ERAP1: variants seen among roughly 807,000 people sequenced by gnomAD.
ERAP1 encodes the protein adipocyte-derived leucine aminopeptidase.
ERAP1 carries 86 observed loss-of-function variants against 103.7 expected under a neutral mutation model. That is an observed-to-expected ratio of 0.83 (90% CI 0.70 to 0.99). ERAP1 has a LOEUF of 0.99. ERAP1 is among the 50% of genes least tolerant of loss of function. The pLI is 0.00. For synonymous variants in ERAP1, 398 were observed against 402.4 expected, an observed-to-expected ratio of 0.99 and a Z score of 0.13; for missense variants, 1,009 against 1,128.4, an observed-to-expected ratio of 0.89 and a Z score of 1.52.
chr5:96,886,792 G>A, the ERAP1 span: 4 of 1,486,568 alleles, frequency 2.7e-6, no homozygotes, highest in Non-Finnish European at 3.6e-6. Context: ...GGGTCAAGGT[G>A]AGACTGAGTT....
chr5:96,852,973 T>C, the ERAP1 span, among the ~76,000 whole-genome samples: 2 of 152,150 alleles, frequency 1.3e-5, no homozygotes, highest in Non-Finnish European at 2.9e-5. Context: ...AAGTGACAAG[T>C]AGACTGTAGA....
intron 11 of ERAP1, among the ~76,000 whole-genome samples, chr5:96,787,806 ATATATATACACATATATATG>A: frequency 1.1e-5 from 1 of 91,596 alleles, no homozygotes; most frequent in African/African-American, 3.8e-5. Context: ...ATGTGTGTGT[ATATATATACACATATATATG>A]TATATATACA....
At chr5:96,812,069 C>G (rs898924228), upstream of ERAP1, among the ~76,000 whole-genome samples, 1 of 152,242 alleles carries the variant, frequency 6.6e-6, no homozygotes, top group Admixed American at 6.5e-5. Context: ...ACTAATGAGA[C>G]TGAATATATG....
At position 96,780,524 on chromosome 5, in the gene ERAP1, A is replaced by G. The variant is rs1224897670; in HGVS notation, c.2589-20T>C. ...TCAAACCTAGAGAGGGAAATATTCAAAAACGGGTTGTGAAATACTTATTCA... is the reference window on the plus strand; with the variant it reads ...TCAAACCTAGAGAGGGAAATATTCAGAAACGGGTTGTGAAATACTTATTCA... On this transcript the variant is annotated intron_variant, in intron 17 of 18. Transcript: ENST00000443439. The G allele has an allele frequency of 1.9e-6, 3 of 1,578,056 alleles. No homozygotes were observed. The highest frequency in any genetic ancestry group is 2.6e-6 in the Non-Finnish European group (3 of 1,147,476).
chr5:96,804,029 A>G, intron 1 of ERAP1, 86 bp from the exon 2 acceptor site: 1 of 1,458,182 alleles, frequency 6.9e-7, no homozygotes, highest in Non-Finnish European at 9.4e-7. Flanking sequence ...TCCACCCAGC[A>G]TTCACAGAAA....
the ERAP1 span, among the ~76,000 whole-genome samples, chr5:96,912,254 G>A: frequency 6.9e-6 from 1 of 144,846 alleles, no homozygotes; most frequent in African/African-American, 2.5e-5. Flanking sequence ...AAAGCATCAA[G>A]TAATCATCTT....
the ERAP1 span, among the ~76,000 whole-genome samples, chr5:96,824,435 C>A: frequency 1.3e-5 from 2 of 152,278 alleles, no homozygotes; most frequent in South Asian, 4.1e-4. Flanking sequence ...CTGCTTAGGA[C>A]CCCTCAATGA....
the ERAP1 span, among the ~76,000 whole-genome samples, chr5:96,874,255 A>G: frequency 6.6e-6 from 1 of 152,210 alleles, no homozygotes; most frequent in Non-Finnish European, 1.5e-5. Flanking sequence ...ATAAGCTACA[A>G]GTACTTGAAT....
the ERAP1 span, chr5:96,889,163 T>C: frequency 6.2e-6 from 10 of 1,612,328 alleles, no homozygotes; most frequent in African/African-American, 1.3e-5. Flanking sequence ...TTCAAAAACC[T>C]CTTCTGATCC....
chr5:96,762,287 C>T, exon 20 of ERAP1: 2 of 1,606,124 alleles, frequency 1.2e-6, no homozygotes, highest in Non-Finnish European at 1.7e-6. Flanking sequence ...TTTGAAGATG[C>T]TAAACTTGCT....
the ERAP1 span, among the ~76,000 whole-genome samples, chr5:96,891,635 A>T: frequency 6.6e-6 from 1 of 151,632 alleles, no homozygotes; most frequent in African/African-American, 2.4e-5. Flanking sequence ...TGTTTAAATC[A>T]TTAGATTGCA....
the ERAP1 span, chr5:96,889,461 T>C: frequency 2.4e-6 from 2 of 845,390 alleles, no homozygotes; most frequent in Non-Finnish European, 4.0e-6. Context: ...TTCTTGAGTG[T>C]AGAAAATAAA....
At chr5:96,844,436 A>G in the ERAP1 span, among the ~76,000 whole-genome samples, 3 of 152,156 alleles carry the variant, frequency 2.0e-5, no homozygotes, top group African/African-American at 2.4e-5. Context: ...ATAAGTTATT[A>G]TTGTTATTTA....
chr5:96,793,713 A>G, intron 6 of ERAP1, 90 bp downstream of exon 6: 1 of 1,303,222 alleles, frequency 7.7e-7, no homozygotes, highest in Non-Finnish European at 1.1e-6. Context: ...AAAAAAGACA[A>G]AGTAAAAATT....
the ERAP1 span, among the ~76,000 whole-genome samples, chr5:96,865,698 A>T: frequency 2.6e-5 from 4 of 152,186 alleles, no homozygotes; most frequent in Non-Finnish European, 5.9e-5. Flanking sequence ...CCATACCAGT[A>T]CTGTATTCTA....
intron 3 of ERAP1, among the ~76,000 whole-genome samples, chr5:96,800,354 C>T (rs1478536848): frequency 6.6e-6 from 1 of 152,168 alleles, no homozygotes; most frequent in Non-Finnish European, 1.5e-5. Flanking sequence ...CCTTCAGCAC[C>T]ATAATATTTG....
chr5:96,871,393 T>G, the ERAP1 span, among the ~76,000 whole-genome samples: 1 of 152,242 alleles, frequency 6.6e-6, no homozygotes, highest in African/African-American at 2.4e-5. Context: ...GAGTCCCTAC[T>G]CTATCTTGGC....
the ERAP1 span, among the ~76,000 whole-genome samples, chr5:96,875,706 T>G: frequency 2.0e-5 from 3 of 152,132 alleles, no homozygotes; most frequent in African/African-American, 7.2e-5. Context: ...CTATTTGAGT[T>G]GTCAGGGTTC....
chr5:96,873,705 A>G, the ERAP1 span: 1 of 325,436 alleles, frequency 3.1e-6, no homozygotes, highest in Admixed American at 4.1e-5. Flanking sequence ...AACAAAAACT[A>G]AAACACTGAA....
Sources: gnomAD v4.1 joint callset for allele counts (sites outside exome capture counted in the v4.1 genomes callset) on GRCh38, gnomAD v4.1.1 for gene constraint, MANE v1.5 for transcripts, NCBI Gene and HGNC (gene_info 2026-07-23, HGNC 2026-07-21) for gene names.